Variants in GLI2 observed in about 807,000 individuals in gnomAD.
GLI2 encodes the protein GLI family zinc finger 2.
A neutral mutation model predicts 78.9 loss-of-function variants in GLI2; 22 were observed. The observed-to-expected ratio is 0.28, with a 90% CI of 0.20 to 0.40. GLI2 has a LOEUF of 0.40. Ranked by LOEUF, GLI2 falls within the 10% of genes least tolerant of loss-of-function variation. GLI2 has a pLI of 1.00. For synonymous variants in GLI2, 974 were observed against 963.7 expected (o/e 1.01, Z -0.20); for missense variants, 2,097 against 2,213.2 (o/e 0.95, Z 1.05).
intron 1 of GLI2, among the ~76,000 whole-genome samples, chr2:120,765,707 G>A (rs1479337105): frequency 1.3e-5 from 2 of 152,262 alleles, no homozygotes; most frequent in African/African-American, 4.8e-5. Context: ...GGAGACAGGA[G>A]ATTCTGCAGG....
rs764193976 is a variant in GLI2 at position 120,989,110 on chromosome 2, G to A, written c.3145G>A (p.Val1049Met). 4 of 1,612,814 alleles carry A rather than the reference G, an allele frequency of 2.5e-6. No homozygotes were observed. The highest frequency in any genetic ancestry group is 1.1e-5 in the South Asian group (1 of 91,088). The change falls in exon 14 of 14, where the codon GTG becomes ATG. Residue 1049 changes from valine (V) to methionine (M), a missense_variant. Transcript: ENST00000361492. ...PEDDLVLPDD[V>M]VQYIKAHASG... ...GGACGACCTGGTGCTTCCAGACGAC[G>A]TGGTGCAGTACATCAAGGCGCACGC...
rs140050989 is a variant in GLI2 at position 120,826,016 on chromosome 2, G to A, written c.148+28548G>A. On this transcript the variant is annotated intron_variant, in intron 2 of 13. Coordinates refer to ENST00000361492, the MANE Select transcript of GLI2 (RefSeq NM_001374353.1). ...AGAACACCACAGGCCCTTACTGCTG[G>A]GCACGATGGGAGGCTGCCTGGTGAC... is the stretch of plus-strand genomic sequence containing the variant. Among the ~76,000 whole-genome samples the A allele has an allele frequency of 6.3e-4, 96 of 152,342 alleles. 3 individuals carry two copies. The East Asian group carries it at 0.018, about 28-fold the overall frequency.
chr2:120,740,278 A>G (rs1280969972), intron 1 of GLI2, among the ~76,000 whole-genome samples: 1 of 152,198 alleles, frequency 6.6e-6, no homozygotes, highest in Non-Finnish European at 1.5e-5. Flanking sequence ...GTAATTCTCA[A>G]TAATCCTGTT....
intron 1 of GLI2, among the ~76,000 whole-genome samples, chr2:120,771,117 G>A (rs56011169): frequency 0.037 from 5,601 of 152,316 alleles, 302 homozygotes; most frequent in African/African-American, 0.12. Flanking sequence ...CCTGGGGTAC[G>A]TTGGTGGGCT....
intron 1 of GLI2, among the ~76,000 whole-genome samples, chr2:120,780,995 G>C (rs926008701): frequency 1.3e-5 from 2 of 152,176 alleles, no homozygotes; most frequent in Admixed American, 1.3e-4. Context: ...CTGAGCATCC[G>C]AGCCCTGAGG....
At chr2:120,789,050 T>TTTTTA (rs1684075763) in intron 1 of GLI2, among the ~76,000 whole-genome samples, 1 of 150,068 alleles carries the variant, frequency 6.7e-6, no homozygotes, top group African/African-American at 2.5e-5. Flanking sequence ...TTTTTTTTTT[T>TTTTTA]GAGACGGAGT....
chr2:120,820,521 G>T (rs1685718321), intron 2 of GLI2, among the ~76,000 whole-genome samples: 1 of 152,242 alleles, frequency 6.6e-6, no homozygotes, highest in African/African-American at 2.4e-5. Flanking sequence ...GGCACTCCGG[G>T]GGTGGGCTCC....
intron 3 of GLI2, among the ~76,000 whole-genome samples, chr2:120,936,815 T>C (rs1454179060): frequency 2.6e-5 from 4 of 152,216 alleles, no homozygotes; most frequent in Non-Finnish European, 5.9e-5. Flanking sequence ...AACTCATTGT[T>C]GCTGGATTTA....
At chr2:120,864,545 C>T (rs1434170178) in intron 2 of GLI2, among the ~76,000 whole-genome samples, 1 of 152,164 alleles carries the variant, frequency 6.6e-6, no homozygotes, top group African/African-American at 2.4e-5. Context: ...GATCTCGGCT[C>T]ACTGCAAGCT....
chr2:120,989,321 G>A lies in GLI2; in HGVS notation c.3356G>A (p.Ser1119Asn). 1 of 1,613,038 alleles carries A rather than the reference G, an allele frequency of 6.2e-7. No individual in the cohort carries two copies. Residue 1119 changes from serine (S) to asparagine (N), a missense_variant, in exon 14 of 14, where the codon AGC becomes AAC. Ser to Asn is a conservative substitution (Grantham distance 46). Around this residue, in one of 5 missense-constraint regions of GLI2, gnomAD observed 1,290 missense variants for 1,261.7 expected, o/e 1.02. Transcript: ENST00000361492. ...CAGTTAGGCTTTGGGGCGCCCTCCA[G>A]CCTGAACAAAAATAACATGCCTGTG... is the stretch of plus-strand genomic sequence containing the variant. ...GCQLGFGAPS[S>N]LNKNNMPVQW...
chr2:120,946,597 A>G (rs1458668589), intron 3 of GLI2, among the ~76,000 whole-genome samples: 2 of 152,204 alleles, frequency 1.3e-5, no homozygotes, highest in Non-Finnish European at 2.9e-5. Flanking sequence ...GCAGTACAGC[A>G]GTGTGGAAAT....
At chr2:120,884,490 G>A (rs1009870642) in intron 2 of GLI2, among the ~76,000 whole-genome samples, 12 of 152,202 alleles carry the variant, frequency 7.9e-5, no homozygotes, top group Admixed American at 2.0e-4. Flanking sequence ...GCATTGAGCC[G>A]TGTGTGGATT....
intron 2 of GLI2, among the ~76,000 whole-genome samples, chr2:120,818,068 C>G (rs1685585680): frequency 6.6e-6 from 1 of 152,204 alleles, no homozygotes; most frequent in Non-Finnish European, 1.5e-5. Flanking sequence ...TTCCAGGGCC[C>G]TTGGTTCAAG....
intron 2 of GLI2, among the ~76,000 whole-genome samples, chr2:120,845,644 G>T (rs1344457940): frequency 6.6e-6 from 1 of 152,184 alleles, no homozygotes; most frequent in Admixed American, 6.5e-5. Context: ...TCAGCTTCTT[G>T]TGCTGACTTG....
intron 3 of GLI2, among the ~76,000 whole-genome samples, chr2:120,939,293 G>C (rs910269810): frequency 5.3e-5 from 8 of 151,548 alleles, no homozygotes; most frequent in Non-Finnish European, 1.2e-4. Flanking sequence ...AAAAAAAAAA[G>C]AACAACAAAA....
At chr2:120,899,144 G>A (rs1337438154) in intron 2 of GLI2, among the ~76,000 whole-genome samples, 1 of 152,198 alleles carries the variant, frequency 6.6e-6, no homozygotes, top group African/African-American at 2.4e-5. Flanking sequence ...GCTCTTTCCT[G>A]GAGATCAATC....
intron 8 of GLI2, among the ~76,000 whole-genome samples, chr2:120,973,073 G>C (rs559889086): frequency 1.7e-4 from 26 of 152,292 alleles, no homozygotes; most frequent in African/African-American, 6.3e-4. Context: ...CCCTGCATCT[G>C]CCGAGCATCC....
intron 4 of GLI2, among the ~76,000 whole-genome samples, chr2:120,952,870 G>C (rs374907125): frequency 4.6e-5 from 7 of 152,214 alleles, no homozygotes; most frequent in African/African-American, 1.7e-4. Flanking sequence ...CCCAGCCCAT[G>C]ATGGGCTGAC....
At position 120,968,770 on chromosome 2, in the gene GLI2, T is replaced by C; in HGVS notation, c.700T>C (p.Ser234Pro). Residue 234 changes from serine (S) to proline (P), a missense_variant, in exon 6 of 14, where the codon TCC becomes CCC. By Grantham distance (74) the Ser-to-Pro change is moderately conservative. Coordinates refer to ENST00000361492, the MANE Select transcript of GLI2 (RefSeq NM_001374353.1). Reference sequence around the variant, plus strand: ...CCGCCTGAGCCGCAAGCGGGCGCTGTCCATCTCCCCACTCTCAGACGCCAG... The same window carrying C: ...CCGCCTGAGCCGCAAGCGGGCGCTGCCCATCTCCCCACTCTCAGACGCCAG... The part of the protein sequence containing the change: ...TPRLSRKRAL[S>P]ISPLSDASLD... The C allele has an allele frequency of 5.0e-6, 8 of 1,613,612 alleles. No homozygotes were observed. The highest frequency in any genetic ancestry group is 5.9e-6 in the Non-Finnish European group (7 of 1,179,910).
Sources: gnomAD v4.1 joint callset for allele counts (sites outside exome capture counted in the v4.1 genomes callset) on GRCh38, gnomAD v4.1.1 for gene constraint, gnomAD v4.1.1 regional missense constraint, MANE v1.5 for transcripts, NCBI Gene and HGNC (gene_info 2026-07-23, HGNC 2026-07-21) for gene names.